SYBU: variants seen among roughly 807,000 people sequenced by gnomAD.
The protein encoded by SYBU is syntabulin, also known as GOLSYN A protein.
SYBU carries 21 observed loss-of-function variants against 35.9 expected under a neutral mutation model. The observed-to-expected ratio is 0.58, with a 90% CI of 0.41 to 0.84. The LOEUF (loss-of-function observed/expected upper bound fraction) is 0.84. Ranked by LOEUF, SYBU falls within the 40% of genes least tolerant of loss-of-function variation. The pLI is 0.00. For synonymous variants in SYBU, 319 were observed against 324.3 expected (o/e 0.98, Z 0.18); for missense variants, 768 against 848.2 (o/e 0.91, Z 1.17).
At chr8:109,604,474 T>G (rs564687000) in intron 3 of SYBU, among the ~76,000 whole-genome samples, 1 of 152,296 alleles carries the variant, frequency 6.6e-6, no homozygotes, top group Non-Finnish European at 1.5e-5. Context: ...TTGTACCCAG[T>G]GCCTGGTCAC....
intron 2 of SYBU, among the ~76,000 whole-genome samples, chr8:109,622,066 A>T (rs950497935): frequency 2.0e-5 from 3 of 152,124 alleles, no homozygotes; most frequent in Admixed American, 2.0e-4. Context: ...TCAAATGAAG[A>T]TAACACTCCT....
chr8:109,581,905 A>G (rs920165956), intron 4 of SYBU, among the ~76,000 whole-genome samples: 1 of 152,246 alleles, frequency 6.6e-6, no homozygotes, highest in African/African-American at 2.4e-5. Context: ...TCGTGAGAAG[A>G]GGACACTTTA....
At chr8:109,634,397 C>T (rs574097392) in intron 2 of SYBU, among the ~76,000 whole-genome samples, 1 of 152,324 alleles carries the variant, frequency 6.6e-6, no homozygotes, top group African/African-American at 2.4e-5. Context: ...ATGTTTTCTT[C>T]ATCTAACCAA....
chr8:109,580,085 A>C, intron 4 of SYBU, 83 bp from the exon 5 acceptor site: 3 of 1,326,182 alleles, frequency 2.3e-6, no homozygotes, highest in Non-Finnish European at 3.2e-6. Context: ...AAATCTAAGG[A>C]AATCCAATTT....
chr8:109,669,745 T>C (rs1451399955), intron 1 of SYBU, among the ~76,000 whole-genome samples: 1 of 152,262 alleles, frequency 6.6e-6, no homozygotes, highest in Non-Finnish European at 1.5e-5. Context: ...TCCCATACAA[T>C]GAACATTTAT....
intron 3 of SYBU, among the ~76,000 whole-genome samples, chr8:109,601,498 A>T (rs1586794615): frequency 6.6e-6 from 1 of 152,210 alleles, no homozygotes; most frequent in African/African-American, 2.4e-5. Flanking sequence ...TAGACTATAC[A>T]GACAAACAAC....
intron 1 of SYBU, among the ~76,000 whole-genome samples, chr8:109,663,641 C>G (rs946915573): frequency 6.6e-6 from 1 of 151,840 alleles, no homozygotes; most frequent in African/African-American, 2.4e-5. Flanking sequence ...CTTTATTATT[C>G]CTTTTAGTCT....
At chr8:109,598,271 T>C (rs1012683433) in intron 3 of SYBU, among the ~76,000 whole-genome samples, 1 of 152,244 alleles carries the variant, frequency 6.6e-6, no homozygotes, top group Non-Finnish European at 1.5e-5. Context: ...CATTTTTACA[T>C]ATTTCACATC....
chr8:109,629,641 G>T (rs1813373338), intron 2 of SYBU, among the ~76,000 whole-genome samples: 1 of 152,016 alleles, frequency 6.6e-6, no homozygotes, highest in Non-Finnish European at 1.5e-5. Context: ...ATGATTTATA[G>T]TCCTTTGGGT....
chr8:109,580,227 T>C (rs1404265998), intron 4 of SYBU: 4 of 528,218 alleles, frequency 7.6e-6, no homozygotes, highest in Non-Finnish European at 1.4e-5. Flanking sequence ...TTCTTTCAAA[T>C]AGTTTCTGAC....
At chr8:109,626,639 A>G (rs977231302) in intron 2 of SYBU, among the ~76,000 whole-genome samples, 4 of 152,228 alleles carry the variant, frequency 2.6e-5, no homozygotes, top group African/African-American at 9.6e-5. Context: ...TTTGGTGGCA[A>G]TTATGATGAC....
At chr8:109,677,699 T>C (rs568487792) in intron 1 of SYBU, among the ~76,000 whole-genome samples, 16 of 152,312 alleles carry the variant, frequency 1.1e-4, no homozygotes, top group Non-Finnish European at 1.0e-4. Context: ...TCAGCAACCC[T>C]ATAAATGCAG....
At position 109,618,825 on chromosome 8, in the gene SYBU, C is replaced by T. The variant is rs760382682; in HGVS notation, c.427+17G>A. 21 of 1,611,008 alleles carry T rather than the reference C, an allele frequency of 1.3e-5. No individual in the cohort carries two copies. The highest frequency in any genetic ancestry group is 2.2e-5 in the South Asian group (2 of 90,996). ...TCACATTGTTCTGATGAAAACATGA[C>T]GAGTAAGTTCACTGACCTGGTTTCA... On this transcript the variant is annotated intron_variant, in intron 3 of 6. Coordinates refer to ENST00000276646, the MANE Select transcript of SYBU (RefSeq NM_001099754.2).
intron 3 of SYBU, among the ~76,000 whole-genome samples, chr8:109,604,169 T>C (rs1479842552): frequency 6.6e-6 from 1 of 152,018 alleles, no homozygotes; most frequent in African/African-American, 2.4e-5. Context: ...ATCTAAAAAA[T>C]TATTATTAAA....
At chr8:109,595,103 T>C (rs1157440280) in intron 3 of SYBU, among the ~76,000 whole-genome samples, 1 of 152,230 alleles carries the variant, frequency 6.6e-6, no homozygotes, top group Non-Finnish European at 1.5e-5. Flanking sequence ...TTTTTACTTT[T>C]CTTCTTATGA....
chr8:109,608,065 G>A (rs1826252641), intron 3 of SYBU: 1 of 962,278 alleles, frequency 1.0e-6, no homozygotes, highest in East Asian at 2.8e-5. Flanking sequence ...TGGAGACTGA[G>A]CCTTCTGCAT....
chr8:109,633,707 A>G (rs1179485914), intron 2 of SYBU, among the ~76,000 whole-genome samples: 2 of 152,030 alleles, frequency 1.3e-5, no homozygotes, highest in Non-Finnish European at 2.9e-5. Flanking sequence ...AAACATGAAA[A>G]TGTGGCCTGT....
At chr8:109,630,222 A>G (rs1366966432) in intron 2 of SYBU, among the ~76,000 whole-genome samples, 1 of 137,418 alleles carries the variant, frequency 7.3e-6, no homozygotes. Context: ...GAATTGAACA[A>G]TGAGATCACA....
intron 1 of SYBU, among the ~76,000 whole-genome samples, chr8:109,668,689 T>A (rs549929999): frequency 6.6e-6 from 1 of 152,308 alleles, no homozygotes; most frequent in South Asian, 2.1e-4. Context: ...CTATTTCAGA[T>A]CGTTGCTGTC....
Sources: gnomAD v4.1 joint callset for allele counts (sites outside exome capture counted in the v4.1 genomes callset) on GRCh38, gnomAD v4.1.1 for gene constraint, MANE v1.5 for transcripts, NCBI Gene and HGNC (gene_info 2026-07-23, HGNC 2026-07-21) for gene names.